Variants in CENPO observed in about 807,000 individuals in gnomAD.
The protein encoded by CENPO is centromere protein O, also known as centromeric protein O.
CENPO carries 30 observed loss-of-function variants against 36.1 expected under a neutral mutation model. The ratio of observed to expected loss-of-function variants is 0.83; its 90% CI spans 0.62 to 1.13. The LOEUF (loss-of-function observed/expected upper bound fraction) is 1.13, where lower values mean the gene tolerates loss of function less well. Ranked by LOEUF, CENPO falls within the 50% of genes most tolerant of loss-of-function variation. The pLI is 0.00. For synonymous variants in CENPO, 171 were observed against 142.3 expected, an observed-to-expected ratio of 1.20 and a Z score of -1.44; for missense variants, 349 against 357.8, an observed-to-expected ratio of 0.98 and a Z score of 0.20.
Position 24,820,179 on chromosome 2 carries a change from G to A in CENPO, c.*861G>A, listed in dbSNP as rs1667354602. On this transcript the variant is annotated 3_prime_UTR_variant, in exon 8 of 8. Coordinates refer to ENST00000380834, the MANE Select transcript of CENPO (RefSeq NM_001322101.2). ...GGAGCCTAGACTGAGGGCGGGTGGG[G>A]GCTTTGGGTGGTTGGAGCCGAGCAC... The A allele has an allele frequency of 4.6e-6, 6 of 1,302,760 alleles. No individual in the cohort carries two copies. The highest frequency in any genetic ancestry group is 6.3e-6 in the Non-Finnish European group (6 of 958,570). 80.7% of individuals were successfully genotyped at this position (1,302,760 alleles called of 1,614,324 possible).
chr2:24,808,560 G>T (rs1666532565), intron 3 of CENPO, among the ~76,000 whole-genome samples: 1 of 152,100 alleles, frequency 6.6e-6, no homozygotes, highest in South Asian at 2.1e-4. Flanking sequence ...TTTTAATCAT[G>T]ATATTATGAT....
chr2:24,820,804 T>G lies in CENPO; in HGVS notation c.*1486T>G. On this transcript the variant is annotated 3_prime_UTR_variant, in exon 8 of 8. Transcript: ENST00000380834. ...TTGCCCCAGATGTCGTAGTGTGGTT[T>G]CCGGGCTCCGATGACCCCAGCCAGA... 6.2e-7 allele frequency: 1 copy of G among 1,614,136 alleles called. No homozygotes were observed. The highest frequency in any genetic ancestry group is 8.5e-7 in the Non-Finnish European group (1 of 1,180,002).
chr2:24,817,763 T>C lies in CENPO; in HGVS notation c.860T>C (p.Phe287Ser). The change falls in exon 7 of 8, where the codon TTT becomes TCT. Residue 287 changes from phenylalanine to serine, a missense_variant. Coordinates refer to ENST00000380834, the MANE Select transcript of CENPO (RefSeq NM_001322101.2). ...CCCTTGCATCAAGTGTTTGCCTCAT[T>C]TACAAGAAAAGGAGAAAAGTTGGAT... is the stretch of plus-strand genomic sequence containing the variant. ...TKPLHQVFAS[F>S]TRKGEKLDMS... The C allele has an allele frequency of 6.2e-7, 1 of 1,614,206 alleles. No individual in the cohort carries two copies. Among genetic ancestry groups the C allele is most frequent in the Non-Finnish European group, 8.5e-7 (1 of 1,180,036 alleles).
At position 24,820,847 on chromosome 2, in the gene CENPO, G is replaced by A. The variant is rs1180695219; in HGVS notation, c.*1529G>A. 6.2e-7 allele frequency: 1 copy of A among 1,613,886 alleles called. No homozygotes were observed. Among genetic ancestry groups the A allele is most frequent in the East Asian group, 2.2e-5 (1 of 44,876 alleles). ...CAGCCAGAACCCCGCCTTTGTTCAT[G>A]CCTAGGGTAGAGGCATAAAGTTCAG... On this transcript the variant is annotated 3_prime_UTR_variant, in exon 8 of 8. Coordinates refer to ENST00000380834, the MANE Select transcript of CENPO (RefSeq NM_001322101.2).
Position 24,821,292 on chromosome 2 carries a change from A to G in CENPO, c.*1974A>G, listed in dbSNP as rs1667661438. 3.5e-6 allele frequency: 2 copies of G among 570,656 alleles called. No individual in the cohort carries two copies. Among genetic ancestry groups the G allele is most frequent in the Non-Finnish European group, 5.9e-6 (2 of 336,762 alleles). The allele number at this position is 570,656 out of a possible 1,614,324, so 35.3% of individuals were successfully genotyped here. On this transcript the variant is annotated 3_prime_UTR_variant, in exon 8 of 8. Coordinates refer to ENST00000380834, the MANE Select transcript of CENPO (RefSeq NM_001322101.2). ...AGGCAGGCCAAGCTTCTATTGTAAC[A>G]GTAGGCACAGTATAGTCGGATCATC...
chr2:24,799,960 G>A, intron 3 of CENPO, 116 bp downstream of exon 3: 1 of 1,173,420 alleles, frequency 8.5e-7, no homozygotes, highest in South Asian at 1.4e-5. Context: ...TTACTGGATT[G>A]ATTGCAGTCC....
intron 3 of CENPO, among the ~76,000 whole-genome samples, chr2:24,807,185 A>G (rs1467281558): frequency 6.6e-6 from 1 of 151,804 alleles, no homozygotes; most frequent in African/African-American, 2.4e-5. Context: ...TTTTTTAATT[A>G]AAGTGTAATA....
intron 2 of CENPO, among the ~76,000 whole-genome samples, chr2:24,795,205 CTTA>C (rs1351189206): frequency 2.0e-5 from 3 of 152,112 alleles, no homozygotes; most frequent in Non-Finnish European, 4.4e-5. Context: ...GACCAGTCTC[CTTA>C]TTCTCTACCC....
At chr2:24,799,087 C>T (rs1042579321) in intron 2 of CENPO, among the ~76,000 whole-genome samples, 1 of 149,536 alleles carries the variant, frequency 6.7e-6, no homozygotes, top group Non-Finnish European at 1.5e-5. Context: ...GCAACCTCCG[C>T]CTCCTGGATT....
chr2:24,808,501 C>T (rs958124163), intron 3 of CENPO, among the ~76,000 whole-genome samples: 1 of 152,136 alleles, frequency 6.6e-6, no homozygotes, highest in Non-Finnish European at 1.5e-5. Flanking sequence ...CGTGCCTGGC[C>T]AGGTAATAAA....
At chr2:24,795,727 T>C (rs1015570650) in intron 2 of CENPO, among the ~76,000 whole-genome samples, 2 of 152,196 alleles carry the variant, frequency 1.3e-5, no homozygotes, top group Non-Finnish European at 2.9e-5. Context: ...CCCTAAATTA[T>C]TCTATGTGTG....
intron 3 of CENPO, among the ~76,000 whole-genome samples, chr2:24,812,902 G>GTT (rs35639594): frequency 2.7e-4 from 28 of 105,652 alleles, no homozygotes; most frequent in East Asian, 5.8e-4. Flanking sequence ...TATGCCTGTA[G>GTT]TTTTTTTTTT....
rs1401076696 is a variant in CENPO, at chr2:24,803,322, A to G, written c.216+3478A>G. 2.0e-5 allele frequency among the ~76,000 whole-genome samples: 3 copies of G among 151,362 alleles called. 1 individual carries two copies. The highest frequency in any genetic ancestry group is 4.2e-4 in the South Asian group (2 of 4,756). On this transcript the variant is annotated intron_variant, in intron 3 of 7. Transcript: ENST00000380834. ...TTTTTGAAGGGTTTTTTGTGTCTCT[A>G]TTTCCTTCAGTTCTGCTCTGATCTT... is the stretch of plus-strand genomic sequence containing the variant.
At chr2:24,814,663 T>C (rs1365599737) in intron 4 of CENPO, 170 bp downstream of exon 4, 1 of 593,962 alleles carries the variant, frequency 1.7e-6, no homozygotes, top group Non-Finnish European at 3.0e-6. Context: ...GCTGACGTGC[T>C]ATTTGTAGGC....
At chr2:24,793,574 C>G in intron 1 of CENPO, 73 bp downstream of exon 1, 1 of 1,485,956 alleles carries the variant, frequency 6.7e-7, no homozygotes, top group Non-Finnish European at 9.0e-7. Context: ...GCGGGCTGAA[C>G]GGCCTTCTTA....
rs1665755283 is a variant in CENPO, at chr2:24,793,900, A to G, written c.-20A>G. 1 of 1,614,052 alleles carries G rather than the reference A, an allele frequency of 6.2e-7. No individual in the cohort carries two copies. The highest frequency in any genetic ancestry group is 8.5e-7 in the Non-Finnish European group (1 of 1,180,030). On this transcript the variant is annotated 5_prime_UTR_variant, in exon 2 of 8. Transcript: ENST00000380834. ...CCGGTTGCCTAGACAACTTCATGGG[A>G]AGGCCCTTGGGAATCTGAGATGGAG...
rs752049571 is a variant in CENPO, at chr2:24,799,834, G to A, written c.206G>A (p.Arg69Gln). The A allele has an allele frequency of 1.4e-5, 22 of 1,612,964 alleles. No individual in the cohort carries two copies. In the South Asian group the frequency reaches 1.6e-4, roughly 12 times the overall value. ...RDELRAVVRH[R>Q]RASVKACIAN... ...GAGCTGAGGGCTGTGGTGCGGCACC[G>A]GCGAGCCAGCGTGAGTAGAAGGGTG... The change falls in exon 3 of 8, where the codon CGG becomes CAG. Residue 69 changes from arginine to glutamine, a missense_variant. By Grantham distance (43) the Arg-to-Gln change is conservative. Coordinates refer to ENST00000380834, the MANE Select transcript of CENPO (RefSeq NM_001322101.2).
intron 3 of CENPO, among the ~76,000 whole-genome samples, chr2:24,805,113 C>T (rs755879132): frequency 1.3e-4 from 20 of 152,146 alleles, no homozygotes; most frequent in Non-Finnish European, 2.9e-4. Flanking sequence ...TCCAGTTGAT[C>T]GAATCGGCTA....
chr2:24,813,247 AAAAG>A lies in CENPO; in HGVS notation c.217-1118_217-1115del, dbSNP rs374815677. 4.8e-3 allele frequency among the ~76,000 whole-genome samples: 730 copies of A among 152,288 alleles called. 8 individuals are homozygous for A. The highest frequency in any genetic ancestry group is 0.016 in the African/African-American group (661 of 41,552). ...GGTAACAGCAAAACTCTGTCTGGAA[AAAAG>A]AAAGAAAGAAGGAAAAATATATGGG... On this transcript the variant is annotated intron_variant, in intron 3 of 7. Transcript: ENST00000380834.
Sources: gnomAD v4.1 joint callset for allele counts (sites outside exome capture counted in the v4.1 genomes callset) on GRCh38, gnomAD v4.1.1 for gene constraint, MANE v1.5 for transcripts, NCBI Gene and HGNC (gene_info 2026-07-23, HGNC 2026-07-21) for gene names.